The following COL24A1 variants were observed in gnomAD, a reference collection of about 807,000 sequenced individuals.
COL24A1 encodes the protein collagen alpha-1(XXIV) chain.
A neutral mutation model predicts 253.9 loss-of-function variants in COL24A1; 224 were observed. The observed-to-expected ratio is 0.88, with a 90% CI of 0.79 to 0.99. COL24A1 has a LOEUF of 0.99. Among genes scored for constraint, COL24A1 ranks in the 50% least tolerant of loss-of-function variants. The pLI is 0.00. For missense variants in COL24A1, 2,131 were observed against 2,068.5 expected, an observed-to-expected ratio of 1.03 and a Z score of -0.59; for synonymous variants, 685 against 673.7, an observed-to-expected ratio of 1.02 and a Z score of -0.26.
chr1:85,912,630 G>T (rs1685483818), intron 24 of COL24A1, among the ~76,000 whole-genome samples: 1 of 152,102 alleles, frequency 6.6e-6, no homozygotes, highest in South Asian at 2.1e-4. Context: ...TATATTAAGT[G>T]TTTTCTATGT....
chr1:86,027,371 A>G (rs1241451147), intron 14 of COL24A1, among the ~76,000 whole-genome samples: 3 of 152,144 alleles, frequency 2.0e-5, no homozygotes, highest in African/African-American at 7.2e-5. Flanking sequence ...CCAGAGGCCT[A>G]GGAGAAAAAA....
chr1:85,883,049 C>T (rs1236726120), intron 32 of COL24A1, among the ~76,000 whole-genome samples: 2 of 152,146 alleles, frequency 1.3e-5, no homozygotes, highest in Non-Finnish European at 2.9e-5. Flanking sequence ...AAGTGGTATA[C>T]TTAAACCATT....
intron 6 of COL24A1, among the ~76,000 whole-genome samples, chr1:86,092,051 T>C (rs1703530642): frequency 6.6e-6 from 1 of 152,062 alleles, no homozygotes; most frequent in Non-Finnish European, 1.5e-5. Context: ...CAGTAGACCT[T>C]TAATAAAAGT....
chr1:86,142,622 T>C (rs1320893629), intron 2 of COL24A1, among the ~76,000 whole-genome samples: 1 of 151,012 alleles, frequency 6.6e-6, no homozygotes, highest in Non-Finnish European at 1.5e-5. Flanking sequence ...ATGAAAAATC[T>C]CACATAAAGT....
chr1:85,984,319 C>T (rs906246352), intron 20 of COL24A1, among the ~76,000 whole-genome samples: 1 of 151,774 alleles, frequency 6.6e-6, no homozygotes, highest in Non-Finnish European at 1.5e-5. Context: ...TCTCAATTAC[C>T]CAGGAGAGAA....
chr1:86,153,566 T>A (rs968104535), intron 1 of COL24A1, among the ~76,000 whole-genome samples: 1 of 152,262 alleles, frequency 6.6e-6, no homozygotes, highest in African/African-American at 2.4e-5. Flanking sequence ...ACAGCTATTC[T>A]AATTCCCATA....
At chr1:85,791,830 C>T (rs990584278) in intron 47 of COL24A1, among the ~76,000 whole-genome samples, 2 of 152,058 alleles carry the variant, frequency 1.3e-5, no homozygotes, top group African/African-American at 4.8e-5. Context: ...CAATAGGGAA[C>T]TGTAATAAGA....
chr1:85,737,859 C>T (rs755593063), intron 57 of COL24A1, among the ~76,000 whole-genome samples: 5 of 152,058 alleles, frequency 3.3e-5, no homozygotes, highest in Non-Finnish European at 5.9e-5. Context: ...CCACTGTGCC[C>T]GGCCACATCC....
intron 11 of COL24A1, among the ~76,000 whole-genome samples, chr1:86,047,236 C>T (rs1027638531): frequency 6.6e-6 from 1 of 152,208 alleles, no homozygotes; most frequent in Non-Finnish European, 1.5e-5. Flanking sequence ...TCTCTGCCTT[C>T]CCCTCTCTAT....
In COL24A1 at chr1:86,043,553, G is replaced by A. The variant is rs757546596; in HGVS notation, c.1950+3272C>T. 4.0e-5 allele frequency among the ~76,000 whole-genome samples: 6 copies of A among 151,436 alleles called. No homozygotes were observed. The East Asian group carries it at 1.2e-3, about 29-fold the overall frequency. ...TATTTTTCATTTTTTTTTTGAGATG[G>A]AGTCTCGCTCTGTTGCCAGGCTGGA... On this transcript the variant is annotated intron_variant, in intron 12 of 59. Transcript: ENST00000370571.
At chr1:86,116,841 C>G (rs1706194805) in intron 3 of COL24A1, among the ~76,000 whole-genome samples, 1 of 152,018 alleles carries the variant, frequency 6.6e-6, no homozygotes, top group Non-Finnish European at 1.5e-5. Context: ...AATGCTATTT[C>G]TATTCAGCCC....
chr1:85,989,942 C>G (rs751735181), intron 19 of COL24A1, among the ~76,000 whole-genome samples: 17 of 152,194 alleles, frequency 1.1e-4, no homozygotes, highest in Non-Finnish European at 2.1e-4. Context: ...CTATAAGGTC[C>G]CTTAATGTAG....
At chr1:86,123,940 C>T (rs1226725095) in intron 3 of COL24A1, among the ~76,000 whole-genome samples, 1 of 151,620 alleles carries the variant, frequency 6.6e-6, no homozygotes, top group African/African-American at 2.4e-5. Context: ...ATTTTATTTT[C>T]ATTAAATAAA....
intron 31 of COL24A1, among the ~76,000 whole-genome samples, chr1:85,894,307 G>C (rs376898878): frequency 1.4e-4 from 22 of 152,256 alleles, no homozygotes; most frequent in African/African-American, 5.1e-4. Flanking sequence ...GAGTCTATGA[G>C]ACATGTTTGC....
intron 24 of COL24A1, among the ~76,000 whole-genome samples, chr1:85,915,803 C>T (rs573593651): frequency 1.5e-4 from 23 of 152,190 alleles, no homozygotes; most frequent in Admixed American, 1.1e-3. Flanking sequence ...CACAGAGCAC[C>T]GTGCCCGGCT....
chr1:86,062,394 G>T (rs952330495), intron 8 of COL24A1, among the ~76,000 whole-genome samples: 2 of 147,046 alleles, frequency 1.4e-5, no homozygotes, highest in Non-Finnish European at 3.0e-5. Flanking sequence ...CACAAATTTT[G>T]CCTGTTTTTT....
chr1:86,119,291 A>G (rs545324537), intron 3 of COL24A1, among the ~76,000 whole-genome samples: 1 of 152,210 alleles, frequency 6.6e-6, no homozygotes, highest in African/African-American at 2.4e-5. Context: ...CCAAATCCAA[A>G]AAACTCCTCA....
chr1:85,946,408 C>T (rs571917267), intron 24 of COL24A1, among the ~76,000 whole-genome samples: 8 of 152,224 alleles, frequency 5.3e-5, no homozygotes, highest in African/African-American at 1.9e-4. Flanking sequence ...TATGCTGAGT[C>T]ATGTGAGTCT....
intron 10 of COL24A1, among the ~76,000 whole-genome samples, chr1:86,054,732 GA>G (rs1473610177): frequency 9.2e-5 from 14 of 152,136 alleles, no homozygotes; most frequent in Admixed American, 3.9e-4. Flanking sequence ...AAGAAGTTTG[GA>G]AATTTCTCAA....
Sources: gnomAD v4.1 joint callset for allele counts (sites outside exome capture counted in the v4.1 genomes callset) on GRCh38, gnomAD v4.1.1 for gene constraint, MANE v1.5 for transcripts, NCBI Gene and HGNC (gene_info 2026-07-23, HGNC 2026-07-21) for gene names.